CCDC186: variants seen among roughly 807,000 people sequenced by gnomAD.
CCDC186 encodes the protein coiled-coil domain-containing protein 186.
Under a neutral mutation model 113.7 loss-of-function variants are expected in CCDC186, and 49 were observed. That is an observed-to-expected ratio of 0.43 (90% CI 0.34 to 0.55). CCDC186 has a LOEUF of 0.55. CCDC186 is among the 20% of genes least tolerant of loss of function. The pLI, the probability that CCDC186 is intolerant of heterozygous loss-of-function variation, is 0.02. For missense variants in CCDC186, 890 were observed against 1,011.1 expected (o/e 0.88, Z 1.62); for synonymous variants, 355 against 345.8 (o/e 1.03, Z -0.30).
intron 4 of CCDC186, 60 bp from the exon 5 acceptor site, chr10:114,145,821 G>A (rs1161116741): frequency 1.4e-6 from 2 of 1,414,690 alleles, no homozygotes; most frequent in Non-Finnish European, 1.9e-6. Context: ...GAAATGTATT[G>A]AAATACATGG....
chr10:114,141,203 A>G (rs899093956), intron 6 of CCDC186, among the ~76,000 whole-genome samples: 1 of 151,738 alleles, frequency 6.6e-6, no homozygotes, highest in Non-Finnish European at 1.5e-5. Context: ...ATCTGTTCCT[A>G]CTGATCTAGT....
intron 12 of CCDC186, 157 bp downstream of exon 12, chr10:114,130,990 C>G: frequency 2.0e-6 from 1 of 505,764 alleles, no homozygotes. Flanking sequence ...GATAAAAGAT[C>G]GGTCATGAAA....
At chr10:114,160,224 C>T (rs1222955644) in intron 2 of CCDC186, among the ~76,000 whole-genome samples, 2 of 150,410 alleles carry the variant, frequency 1.3e-5, no homozygotes, top group African/African-American at 2.5e-5. Flanking sequence ...GAGCTGAGGT[C>T]GCGCCACTGC....
In CCDC186 at chr10:114,137,186, C is replaced by G. The variant is rs1398283418; in HGVS notation, c.1326G>C (p.Gln442His). The G allele has an allele frequency of 6.3e-7, 1 of 1,594,342 alleles. No homozygotes were observed. The highest frequency in any genetic ancestry group is 8.6e-7 in the Non-Finnish European group (1 of 1,162,672). The change falls in exon 7 of 16, where the codon CAG becomes CAC. Residue 442 changes from glutamine to histidine, a missense_variant and splice_region_variant. Physicochemically the swap from Gln to His is conservative, Grantham distance 24. Transcript: ENST00000369287. ...AATCTATTTTAAAAGTTATGCATAC[C>G]TGATATGTTTTTATCATATCCTGAC... ...KNCQDMIKTY[Q>H]ESEEIKSNEL...
At chr10:114,144,422 A>C in intron 6 of CCDC186, 75 bp downstream of exon 6, 1 of 1,372,070 alleles carries the variant, frequency 7.3e-7, no homozygotes, top group Admixed American at 2.4e-5. Context: ...ACTCCGTCTC[A>C]AAAAAAAAAC....
Position 114,153,356 on chromosome 10 carries a change from A to C in CCDC186, c.760-2136T>G, listed in dbSNP as rs535607080. On this transcript the variant is annotated intron_variant, in intron 3 of 15. Coordinates refer to ENST00000369287, the MANE Select transcript of CCDC186 (RefSeq NM_018017.4). ...TTAAACCACATACTGCTAAAGAAAC[A>C]CAGAAGAAATTGCAAGGGAAATTAG... 2.6e-5 allele frequency among the ~76,000 whole-genome samples: 4 copies of C among 152,374 alleles called. No individual in the cohort carries two copies. The East Asian group carries it at 7.7e-4, about 29-fold the overall frequency.
chr10:114,139,589 A>C (rs946355023), intron 6 of CCDC186, among the ~76,000 whole-genome samples: 1 of 151,964 alleles, frequency 6.6e-6, no homozygotes, highest in Non-Finnish European at 1.5e-5. Context: ...AGAAAAAAAA[A>C]CAAAAATAAA....
Position 114,163,131 on chromosome 10 carries a change from T to C in CCDC186, c.138A>G (p.Ser46=). The C allele has an allele frequency of 6.2e-7, 1 of 1,614,006 alleles. No homozygotes were observed. Among genetic ancestry groups the C allele is most frequent in the Non-Finnish European group, 8.5e-7 (1 of 1,179,966 alleles). The change falls in exon 2 of 16, where the codon TCA becomes TCG. Residue 46 remains serine (S), a synonymous_variant. Transcript: ENST00000369287. ...GACATAAAGTTTTATCAGTGTTTAA[T>C]GACAATAGTTTGGACTCATTTTCTA... is the stretch of plus-strand genomic sequence containing the variant. ...SKLENESKLL[S]LNTDKTLCQP...
At chr10:114,172,120 C>T (rs2032510248) in intron 1 of CCDC186, among the ~76,000 whole-genome samples, 1 of 150,336 alleles carries the variant, frequency 6.7e-6, no homozygotes, top group Non-Finnish European at 1.5e-5. Context: ...AAAAGAAAAA[C>T]CTAAGTTTTA....
Position 114,151,128 on chromosome 10 carries a change from C to T in CCDC186, c.852G>A (p.Gln284=). 1 of 1,613,814 alleles carries T rather than the reference C, an allele frequency of 6.2e-7. No homozygotes were observed. The highest frequency in any genetic ancestry group is 8.5e-7 in the Non-Finnish European group (1 of 1,179,872). Residue 284 remains glutamine (Q), a synonymous_variant, in exon 4 of 16, where the codon CAG becomes CAA. Transcript: ENST00000369287. ...AQDVTAKNAV[Q]QLHKEMAQRM... is the part of the protein sequence containing the mutation. ...GTTGGGCCATCTCTTTGTGTAACTGCTGAACTGCATTTTTAGCTGTAACGT... is the reference window on the plus strand; with the variant it reads ...GTTGGGCCATCTCTTTGTGTAACTGTTGAACTGCATTTTTAGCTGTAACGT...
intron 3 of CCDC186, among the ~76,000 whole-genome samples, chr10:114,152,371 C>G (rs1367693438): frequency 3.3e-5 from 5 of 151,894 alleles, no homozygotes; most frequent in East Asian, 1.9e-4. Context: ...AGGGCATTCA[C>G]TTGTCAGGGG....
intron 12 of CCDC186, 142 bp from the exon 13 acceptor site, chr10:114,130,113 A>G (rs606682): frequency 0.42 from 246,175 of 586,576 alleles, 53,445 homozygotes; most frequent in African/African-American, 0.64. Context: ...GCAGAGGGCT[A>G]TGTCATTCAT....
Position 114,163,289 on chromosome 10 carries a change from T to G in CCDC186, c.-21A>C, listed in dbSNP as rs761696730. On this transcript the variant is annotated 5_prime_UTR_variant, in exon 2 of 16. Coordinates refer to ENST00000369287, the MANE Select transcript of CCDC186 (RefSeq NM_018017.4). ...GACATGCTGACTGGCACCAATTCAC[T>G]TTGTAATTCTTCAAATCTGCTCCTG... The G allele has an allele frequency of 1.9e-6, 3 of 1,582,634 alleles. No homozygotes were observed. In the African/African-American group the frequency reaches 4.1e-5, roughly 22 times the overall value.
intron 1 of CCDC186, among the ~76,000 whole-genome samples, chr10:114,172,719 C>T (rs1369862177): frequency 6.6e-6 from 1 of 152,156 alleles, no homozygotes. Flanking sequence ...AATATCTTCA[C>T]TGCATTAAAA....
chr10:114,137,393 G>A (rs559284912), intron 6 of CCDC186, 103 bp from the exon 7 acceptor site: 3 of 696,342 alleles, frequency 4.3e-6, no homozygotes, highest in African/African-American at 3.6e-5. Flanking sequence ...CTGTCACTGA[G>A]GGGCCGATTA....
Position 114,154,046 on chromosome 10 carries a change from C to A in CCDC186, c.760-2826G>T, listed in dbSNP as rs966034398. 8.6e-5 allele frequency among the ~76,000 whole-genome samples: 13 copies of A among 151,078 alleles called. No homozygotes were observed. In the East Asian group the frequency reaches 2.3e-3, roughly 27 times the overall value. On this transcript the variant is annotated intron_variant, in intron 3 of 15. Coordinates refer to ENST00000369287, the MANE Select transcript of CCDC186 (RefSeq NM_018017.4). ...GAAACATAGTGAAAACCCATCTCCA[C>A]AAAAAAATACAAAAATTAGCTGGAT...
Position 114,137,296 on chromosome 10 carries a change from T to C in CCDC186, c.1222-6A>G, listed in dbSNP as rs377449657. ...TTGAGTTTATCTTTGGTTTCCTGCATTGACAAAAGACAGAGACACAGTTGG... is the reference window on the plus strand; with the variant it reads ...TTGAGTTTATCTTTGGTTTCCTGCACTGACAAAAGACAGAGACACAGTTGG... On this transcript the variant is annotated splice_polypyrimidine_tract_variant and splice_region_variant and intron_variant, in intron 6 of 15. Coordinates refer to ENST00000369287, the MANE Select transcript of CCDC186 (RefSeq NM_018017.4). The C allele has an allele frequency of 2.5e-6, 4 of 1,607,430 alleles. No individual in the cohort carries two copies. Among genetic ancestry groups the C allele is most frequent in the African/African-American group, 1.3e-5 (1 of 74,774 alleles).
At position 114,163,146 on chromosome 10, in the gene CCDC186, C is replaced by T. The variant is rs1215997257; in HGVS notation, c.123G>A (p.Glu41=). 8 of 1,613,890 alleles carry T rather than the reference C, an allele frequency of 5.0e-6. No homozygotes were observed. The highest frequency in any genetic ancestry group is 1.3e-5 in the African/African-American group (1 of 74,906). The part of the protein sequence containing the change: ...SGNESSKLEN[E]SKLLSLNTDK... ...CAGTGTTTAATGACAATAGTTTGGA[C>T]TCATTTTCTAATTTGCTGCTTTCAT... Residue 41 remains glutamate (E), a synonymous_variant, in exon 2 of 16, where the codon GAG becomes GAA. Coordinates refer to ENST00000369287, the MANE Select transcript of CCDC186 (RefSeq NM_018017.4).
chr10:114,156,193 T>G (rs1241391976), intron 3 of CCDC186, among the ~76,000 whole-genome samples: 1 of 152,246 alleles, frequency 6.6e-6, no homozygotes, highest in Admixed American at 6.5e-5. Flanking sequence ...CATACAATTT[T>G]ACAAATACAG....
Sources: allele counts gnomAD v4.1 joint callset (sites outside exome capture counted in the v4.1 genomes callset), GRCh38; gene constraint gnomAD v4.1.1; transcripts MANE v1.5; gene names NCBI Gene and HGNC (gene_info 2026-07-23, HGNC 2026-07-21).